Variants in IQSEC1 observed in about 807,000 individuals in gnomAD.
IQSEC1 encodes IQ motif and SEC7 domain-containing protein 1.
Under a neutral mutation model 91.0 loss-of-function variants are expected in IQSEC1, and 31 were observed. The observed-to-expected ratio is 0.34, with a 90% confidence interval of 0.26 to 0.46. IQSEC1 has a LOEUF of 0.46. IQSEC1 is among the 20% of genes least tolerant of loss of function. IQSEC1 has a pLI of 1.00. For missense variants in IQSEC1, 1,388 were observed against 1,575.6 expected (o/e 0.88, Z 2.02); for synonymous variants, 699 against 662.6 (o/e 1.05, Z -0.84).
At chr3:13,115,307 C>T (rs952375647) in intron 2 of IQSEC1, among the ~76,000 whole-genome samples, 2 of 152,150 alleles carry the variant, frequency 1.3e-5, no homozygotes, top group Non-Finnish European at 2.9e-5. Flanking sequence ...CACTCTGGGG[C>T]GTCCTGCCTG....
At chr3:13,052,118 A>G (rs1704712956) in intron 1 of IQSEC1, among the ~76,000 whole-genome samples, 1 of 151,900 alleles carries the variant, frequency 6.6e-6, no homozygotes, top group African/African-American at 2.4e-5. Flanking sequence ...GTTCCCTCTC[A>G]CCTAGCTGTG....
At chr3:13,242,914 G>A (rs1695043991) in intron 1 of IQSEC1, among the ~76,000 whole-genome samples, 1 of 152,058 alleles carries the variant, frequency 6.6e-6, no homozygotes, top group South Asian at 2.1e-4. Context: ...GGGATGCAGA[G>A]GAAGGGCTTG....
At chr3:13,274,502 G>C (rs1440242895) in intron 1 of IQSEC1, among the ~76,000 whole-genome samples, 1 of 152,262 alleles carries the variant, frequency 6.6e-6, no homozygotes, top group African/African-American at 2.4e-5. Context: ...CATGCAAGTG[G>C]TATGCAGAGC....
At chr3:12,903,788 C>T (rs1205332251) in intron 12 of IQSEC1, among the ~76,000 whole-genome samples, 3 of 152,220 alleles carry the variant, frequency 2.0e-5, no homozygotes, top group Non-Finnish European at 2.9e-5. Context: ...CAGTCCTCCC[C>T]ACTTGACACT....
chr3:12,907,659 A>T (rs1695127848), intron 12 of IQSEC1, among the ~76,000 whole-genome samples: 1 of 152,198 alleles, frequency 6.6e-6, no homozygotes, highest in Non-Finnish European at 1.5e-5. Flanking sequence ...TGCTGGCAAA[A>T]GCCCCTGAGC....
At chr3:13,005,770 C>T (rs1702610036) in intron 1 of IQSEC1, among the ~76,000 whole-genome samples, 2 of 152,190 alleles carry the variant, frequency 1.3e-5, no homozygotes, top group Admixed American at 1.3e-4. Context: ...ATGGAAATGG[C>T]CCTGAAGGTG....
At chr3:13,127,623 TGGATA>T (rs895793228) in intron 2 of IQSEC1, among the ~76,000 whole-genome samples, 33 of 152,344 alleles carry the variant, frequency 2.2e-4, no homozygotes, top group African/African-American at 7.0e-4. Flanking sequence ...TTTGCCTTTC[TGGATA>T]CATCTTGTAA....
chr3:13,112,891 G>A (rs781179223), intron 2 of IQSEC1, among the ~76,000 whole-genome samples: 26 of 152,392 alleles, frequency 1.7e-4, no homozygotes, highest in Admixed American at 7.8e-4. Context: ...AGGCCAGGGA[G>A]AGCCTGGTGA....
chr3:13,124,983 G>C (rs369169964), intron 2 of IQSEC1, among the ~76,000 whole-genome samples: 1 of 152,282 alleles, frequency 6.6e-6, no homozygotes, highest in East Asian at 1.9e-4. Context: ...GGCCTCCTAA[G>C]GGATCTCCAT....
At chr3:13,106,188 A>C (rs2124846502) in intron 2 of IQSEC1, among the ~76,000 whole-genome samples, 1 of 152,250 alleles carries the variant, frequency 6.6e-6, no homozygotes. Flanking sequence ...CCATAATCTC[A>C]GCCTGGGAAA....
At chr3:13,239,035 T>C (rs1208365505) in intron 1 of IQSEC1, among the ~76,000 whole-genome samples, 5 of 152,170 alleles carry the variant, frequency 3.3e-5, no homozygotes, top group African/African-American at 1.2e-4. Context: ...CTTGAGGACA[T>C]GGGGTTCCCC....
chr3:13,209,208 C>A (rs1461067109), intron 1 of IQSEC1, among the ~76,000 whole-genome samples: 2 of 152,206 alleles, frequency 1.3e-5, no homozygotes, highest in African/African-American at 4.8e-5. Flanking sequence ...GCCCACAAAG[C>A]CCCAAGAAAC....
At chr3:13,171,111 A>C (rs1693600222) in intron 1 of IQSEC1, among the ~76,000 whole-genome samples, 1 of 149,190 alleles carries the variant, frequency 6.7e-6, no homozygotes, top group African/African-American at 2.6e-5. Context: ...AAAAAACAAA[A>C]AAAACAAAAA....
Position 12,936,143 on chromosome 3 carries a change from C to T in IQSEC1, c.873G>A (p.Leu291=), listed in dbSNP as rs1377947581. The change falls in exon 3 of 14, where the codon CTG becomes CTA. Residue 291 remains leucine (L), a synonymous_variant. Transcript: ENST00000613206. ...EMTASYSDVT[L]YIDEEELSPP... is the part of the protein sequence containing the mutation. ...GCGACAGCTCCTCCTCATCGATGTACAGGGTGACATCACTGTACGAGGCCG... is the reference window on the plus strand; with the variant it reads ...GCGACAGCTCCTCCTCATCGATGTATAGGGTGACATCACTGTACGAGGCCG... 2.5e-6 allele frequency: 4 copies of T among 1,612,444 alleles called. No individual in the cohort carries two copies. The highest frequency in any genetic ancestry group is 3.4e-6 in the Non-Finnish European group (4 of 1,179,916).
chr3:13,205,164 G>T (rs943389771), intron 1 of IQSEC1, among the ~76,000 whole-genome samples: 1 of 152,038 alleles, frequency 6.6e-6, no homozygotes. Flanking sequence ...TACTGCTACA[G>T]CGAACTGCCC....
chr3:13,012,218 C>A (rs991417719), intron 1 of IQSEC1, among the ~76,000 whole-genome samples: 3 of 152,208 alleles, frequency 2.0e-5, no homozygotes, highest in African/African-American at 7.2e-5. Context: ...TCAGCCAGGA[C>A]TTCCAAGAAC....
chr3:12,903,818 C>A (rs1290679010), intron 12 of IQSEC1, among the ~76,000 whole-genome samples: 3 of 152,188 alleles, frequency 2.0e-5, no homozygotes, highest in African/African-American at 7.2e-5. Context: ...TCCATCTGGG[C>A]AGCATCACCA....
rs1651178913 is a variant in IQSEC1, at chr3:12,899,983, A to G, written c.*1000T>C. The G allele has an allele frequency of 1.0e-6, 1 of 985,116 alleles. No individual in the cohort carries two copies. The highest frequency in any genetic ancestry group is 5.2e-4 in the Middle Eastern group (1 of 1,912). 61.0% of individuals were successfully genotyped at this position (985,116 alleles called of 1,614,324 possible). ...CGCATAAAAGAAACATGGATCATGG[A>G]GAGTCACAGTTATCGCAGCCATTAA... On this transcript the variant is annotated 3_prime_UTR_variant, in exon 14 of 14. Transcript: ENST00000613206.
chr3:13,110,774 G>A (rs1027250568), intron 2 of IQSEC1, among the ~76,000 whole-genome samples: 4 of 152,180 alleles, frequency 2.6e-5, no homozygotes, highest in African/African-American at 4.8e-5. Context: ...AGCCTCAGCC[G>A]CCTGAGATTT....
Sources: gnomAD v4.1 joint callset for allele counts (sites outside exome capture counted in the v4.1 genomes callset) on GRCh38, gnomAD v4.1.1 for gene constraint, MANE v1.5 for transcripts, NCBI Gene and HGNC (gene_info 2026-07-23, HGNC 2026-07-21) for gene names.